JAZF1: variants seen among roughly 807,000 people sequenced by gnomAD.
The protein encoded by JAZF1 is JAZF zinc finger 1, also known as juxtaposed with another zinc finger protein 1.
Under a neutral mutation model 26.4 loss-of-function variants are expected in JAZF1, and 8 were observed. The ratio of observed to expected loss-of-function variants is 0.30; its 90% confidence interval spans 0.18 to 0.55. The LOEUF (loss-of-function observed/expected upper bound fraction) is 0.55. Among genes scored for constraint, JAZF1 ranks in the 20% least tolerant of loss-of-function variants. The pLI is 0.94. For missense variants in JAZF1, 199 were observed against 322.0 expected, an observed-to-expected ratio of 0.62 and a Z score of 2.92; for synonymous variants, 126 against 122.3, an observed-to-expected ratio of 1.03 and a Z score of -0.20.
At chr7:28,053,174 A>T (rs1783643158) in intron 1 of JAZF1, among the ~76,000 whole-genome samples, 1 of 152,228 alleles carries the variant, frequency 6.6e-6, no homozygotes, top group Non-Finnish European at 1.5e-5. Flanking sequence ...CATCTGCATG[A>T]CATTCCACTG....
chr7:27,957,220 C>T (rs1785111933), intron 2 of JAZF1, among the ~76,000 whole-genome samples: 1 of 152,200 alleles, frequency 6.6e-6, no homozygotes, highest in African/African-American at 2.4e-5. Flanking sequence ...CATCAGTTGG[C>T]CACATTTATT....
In JAZF1 at chr7:28,174,821, G is replaced by GGTGGGTGTGT. The variant is rs1554293530; in HGVS notation, c.115+5641_115+5642insACACACCCAC. On this transcript the variant is annotated intron_variant, in intron 1 of 4. Coordinates refer to ENST00000283928, the MANE Select transcript of JAZF1 (RefSeq NM_175061.4). ...CCTGATCCTGCCTATGGGGTGTGTG[G>GGTGGGTGTGT]GTGTGTGTGTGTGTGTGTGTGTGTG... is the stretch of plus-strand genomic sequence containing the variant. 1.7e-4 allele frequency among the ~76,000 whole-genome samples: 18 copies of GGTGGGTGTGT among 107,798 alleles called. 5 individuals carry two copies. The highest frequency in any genetic ancestry group is 3.9e-4 in the Non-Finnish European group (17 of 43,102). 70.7% of individuals were successfully genotyped at this position (107,798 alleles called of 152,430 possible).
At chr7:28,061,017 T>A (rs1437511952) in intron 1 of JAZF1, among the ~76,000 whole-genome samples, 4 of 152,232 alleles carry the variant, frequency 2.6e-5, no homozygotes, top group Admixed American at 2.6e-4. Flanking sequence ...GTGCCTGGGT[T>A]CAAATTTCTG....
chr7:28,065,138 C>T (rs1310486396), intron 1 of JAZF1, among the ~76,000 whole-genome samples: 1 of 152,156 alleles, frequency 6.6e-6, no homozygotes, highest in African/African-American at 2.4e-5. Context: ...AAGAATCAGT[C>T]AGCTGACTTT....
At position 27,865,395 on chromosome 7, in the gene JAZF1, G is replaced by A. The variant is rs1023843554; in HGVS notation, c.386-24528C>T. Among the ~76,000 whole-genome samples the A allele has an allele frequency of 2.6e-5, 4 of 152,168 alleles. No individual in the cohort carries two copies. The East Asian group carries it at 5.8e-4, about 22-fold the overall frequency. Reference sequence around the variant, plus strand: ...CCAAACAGAAAACAATGACAAAAGAGATGTGTTCATGAAGCTTTTGTTTCA... The same window carrying A: ...CCAAACAGAAAACAATGACAAAAGAAATGTGTTCATGAAGCTTTTGTTTCA... On this transcript the variant is annotated intron_variant, in intron 3 of 4. Transcript: ENST00000283928.
intron 2 of JAZF1, among the ~76,000 whole-genome samples, chr7:27,935,898 A>G (rs778946537): frequency 1.2e-4 from 19 of 152,300 alleles, no homozygotes; most frequent in Non-Finnish European, 2.6e-4. Flanking sequence ...TGGGACCAGG[A>G]GCTGGGTCGC....
chr7:27,846,900 G>C (rs1405994921), intron 3 of JAZF1, among the ~76,000 whole-genome samples: 3 of 152,126 alleles, frequency 2.0e-5, no homozygotes, highest in African/African-American at 7.2e-5. Context: ...CTAATCCATA[G>C]ATTGCTATTT....
intron 1 of JAZF1, among the ~76,000 whole-genome samples, chr7:28,175,429 G>A (rs1783534503): frequency 6.6e-6 from 1 of 152,180 alleles, no homozygotes; most frequent in South Asian, 2.1e-4. Flanking sequence ...CAAGAAACTA[G>A]ATGATGTAGA....
At chr7:27,913,985 C>G (rs574351837) in intron 2 of JAZF1, among the ~76,000 whole-genome samples, 1 of 151,890 alleles carries the variant, frequency 6.6e-6, no homozygotes, top group Non-Finnish European at 1.5e-5. Flanking sequence ...TCTGAAAGCA[C>G]GTAAGGTGGC....
At chr7:28,137,700 C>G (rs190327136) in intron 1 of JAZF1, among the ~76,000 whole-genome samples, 7 of 152,248 alleles carry the variant, frequency 4.6e-5, no homozygotes, top group Admixed American at 4.6e-4. Context: ...TAATAGTCAC[C>G]ACAGGAATGG....
chr7:27,938,970 T>A (rs1784801864), intron 2 of JAZF1, among the ~76,000 whole-genome samples: 1 of 152,104 alleles, frequency 6.6e-6, no homozygotes, highest in Non-Finnish European at 1.5e-5. Context: ...GAACTGAAAA[T>A]ACTGATTTCT....
chr7:28,059,830 G>A (rs1291102048), intron 1 of JAZF1, among the ~76,000 whole-genome samples: 2 of 152,078 alleles, frequency 1.3e-5, no homozygotes, highest in African/African-American at 4.8e-5. Flanking sequence ...TAGTTGAACC[G>A]CTCCTTTGAA....
Position 27,840,597 on chromosome 7 carries a change from C to T in JAZF1, c.555+101G>A, listed in dbSNP as rs143508784. 2.2e-5 allele frequency: 27 copies of T among 1,228,828 alleles called. No homozygotes were observed. The highest frequency in any genetic ancestry group is 3.0e-5 in the Non-Finnish European group (26 of 855,614). The allele number at this position is 1,228,828 out of a possible 1,614,324, so 76.1% of individuals were successfully genotyped here. On this transcript the variant is annotated intron_variant, in intron 4 of 4. Transcript: ENST00000283928. The surrounding 1 kb of genome is among the most constrained non-coding windows in gnomAD (Gnocchi z 5.1). Reference sequence around the variant, plus strand: ...TGCAGGAGAGGGGAGTGTCTCCCCCCAGCCCATACGCTCGCTTTAAAATCA... The same window carrying T: ...TGCAGGAGAGGGGAGTGTCTCCCCCTAGCCCATACGCTCGCTTTAAAATCA...
At chr7:28,126,799 A>G (rs10253085) in intron 1 of JAZF1, among the ~76,000 whole-genome samples, 5,937 of 152,196 alleles carry the variant, frequency 0.039, 351 homozygotes, top group African/African-American at 0.13. Context: ...AGGGGAGGGG[A>G]GGAGTGAAAA....
At chr7:28,125,493 A>G (rs763182648) in intron 1 of JAZF1, among the ~76,000 whole-genome samples, 1 of 152,230 alleles carries the variant, frequency 6.6e-6, no homozygotes, top group African/African-American at 2.4e-5. Flanking sequence ...AGCGGGGCTA[A>G]AATTACTTAA....
intron 3 of JAZF1, among the ~76,000 whole-genome samples, chr7:27,882,304 CTTGT>C (rs1783787171): frequency 6.6e-6 from 1 of 150,506 alleles, no homozygotes; most frequent in South Asian, 2.1e-4. Flanking sequence ...GCCTAATTGG[CTTGT>C]TTTTTTTTTT....
At chr7:27,970,528 A>C (rs150500577) in intron 2 of JAZF1, among the ~76,000 whole-genome samples, 155 of 152,342 alleles carry the variant, frequency 1.0e-3, no homozygotes, top group African/African-American at 3.5e-3. Flanking sequence ...ATTTCTTTCA[A>C]TTATGAGTAT....
chr7:27,965,747 C>T (rs1308913625), intron 2 of JAZF1, among the ~76,000 whole-genome samples: 1 of 152,156 alleles, frequency 6.6e-6, no homozygotes, highest in Non-Finnish European at 1.5e-5. Context: ...AGCCAAAAAT[C>T]ATAAATCCTT....
At chr7:27,912,981 A>G (rs1388509571) in intron 2 of JAZF1, among the ~76,000 whole-genome samples, 1 of 151,978 alleles carries the variant, frequency 6.6e-6, no homozygotes, top group Non-Finnish European at 1.5e-5. Context: ...TTAACCACAC[A>G]TTCTCTGTGT....
Sources: allele counts gnomAD v4.1 joint callset (sites outside exome capture counted in the v4.1 genomes callset), GRCh38; gene constraint gnomAD v4.1.1; non-coding constraint Gnocchi (gnomAD v3.1); transcripts MANE v1.5; gene names NCBI Gene and HGNC (gene_info 2026-07-23, HGNC 2026-07-21).